EGLN1: variants seen among roughly 807,000 people sequenced by gnomAD.
EGLN1 encodes egl-9 family hypoxia inducible factor 1.
Under a neutral mutation model 38.3 loss-of-function variants are expected in EGLN1, and 17 were observed. That is an observed-to-expected ratio of 0.44 (90% CI 0.30 to 0.67). EGLN1 has a LOEUF of 0.67. Ranked by LOEUF, EGLN1 falls within the 30% of genes least tolerant of loss-of-function variation. The pLI is 0.08. For synonymous variants in EGLN1, 283 were observed against 257.5 expected (o/e 1.10, Z -0.95); for missense variants, 477 against 603.3 (o/e 0.79, Z 2.19).
At chr1:231,403,111 G>A (rs907895014) in intron 1 of EGLN1, among the ~76,000 whole-genome samples, 2 of 152,086 alleles carry the variant, frequency 1.3e-5, no homozygotes, top group Non-Finnish European at 2.9e-5. Flanking sequence ...AATATACTCT[G>A]TATGATTTCA....
intron 1 of EGLN1, among the ~76,000 whole-genome samples, chr1:231,379,501 A>C (rs1297956850): frequency 6.6e-6 from 1 of 152,252 alleles, no homozygotes; most frequent in African/African-American, 2.4e-5. Context: ...AAGATTAATA[A>C]AAACAAGGTA....
intron 1 of EGLN1, among the ~76,000 whole-genome samples, chr1:231,407,994 C>A (rs1688838342): frequency 6.6e-6 from 1 of 152,070 alleles, no homozygotes; most frequent in African/African-American, 2.4e-5. Flanking sequence ...CAGCTGAGGG[C>A]AGTTCACTGA....
chr1:231,368,380 T>C (rs780572829), intron 3 of EGLN1, among the ~76,000 whole-genome samples: 1 of 152,230 alleles, frequency 6.6e-6, no homozygotes, highest in Non-Finnish European at 1.5e-5. Context: ...ATGTTTACAA[T>C]TATAACCTTG....
Position 231,370,701 on chromosome 1 carries a change from AG to A in EGLN1, c.1012-4del. 6.2e-7 allele frequency: 1 copy of A among 1,614,134 alleles called. No individual in the cohort carries two copies. Among genetic ancestry groups the A allele is most frequent in the Non-Finnish European group, 8.5e-7 (1 of 1,180,012 alleles). On this transcript the variant is annotated splice_polypyrimidine_tract_variant and splice_region_variant and intron_variant, in intron 2 of 4. Transcript: ENST00000366641. ...ATTCGAAGTATACCTCCACTTACCTAGGAAAAGAGCCAAATATGTAAGCAGG... is the reference window on the plus strand; with the variant it reads ...ATTCGAAGTATACCTCCACTTACCTAGAAAAGAGCCAAATATGTAAGCAGG...
intron 1 of EGLN1, among the ~76,000 whole-genome samples, chr1:231,403,170 T>C (rs2808604): frequency 0.54 from 82,849 of 152,022 alleles, 24,228 homozygotes; most frequent in Non-Finnish European, 0.65. Flanking sequence ...CTGTTGTACC[T>C]TGGTAAATGT....
At chr1:231,371,064 A>G (rs189837621) in intron 2 of EGLN1, among the ~76,000 whole-genome samples, 1 of 152,060 alleles carries the variant, frequency 6.6e-6, no homozygotes, top group South Asian at 2.1e-4. Context: ...TAATTTTTGC[A>G]TTTTTAGTAG....
chr1:231,413,527 G>A (rs775097644), intron 1 of EGLN1, among the ~76,000 whole-genome samples: 31 of 152,024 alleles, frequency 2.0e-4, no homozygotes, highest in Admixed American at 6.6e-5. Flanking sequence ...GTACTCCCTA[G>A]TCACTCTGTC....
rs1688737080 is a variant in EGLN1 at position 231,404,389 on chromosome 1, C to T, written c.891+16609G>A. Among the ~76,000 whole-genome samples, 5 of 152,154 alleles carry T rather than the reference C, an allele frequency of 3.3e-5. 1 individual carries two copies. In the South Asian group the frequency reaches 1.0e-3, roughly 32 times the overall value. On this transcript the variant is annotated intron_variant, in intron 1 of 4. Coordinates refer to ENST00000366641, the MANE Select transcript of EGLN1 (RefSeq NM_022051.3). ...TTTTATTATTTTGTTTTTACTGCTA[C>T]CTATTAAGTTATAGACTATACAGTA...
Position 231,373,983 on chromosome 1 carries a change from G to A in EGLN1, c.1008C>T (p.Ala336=), listed in dbSNP as rs1029425498. 1.2e-6 allele frequency: 2 copies of A among 1,613,556 alleles called. No individual in the cohort carries two copies. The highest frequency in any genetic ancestry group is 1.3e-5 in the African/African-American group (1 of 74,864). The part of the protein sequence containing the change: ...CIYYLNKDWD[A]KVSGGILRIF... The stretch of plus-strand genomic sequence containing the variant: ...AATGCTCAATTAAGTTGCATACCTT[G>A]GCATCCCAGTCTTTATTAAGATAAT... Residue 336 remains alanine, a synonymous_variant, in exon 2 of 5, where the codon GCC becomes GCT. Transcript: ENST00000366641.
intron 1 of EGLN1, among the ~76,000 whole-genome samples, chr1:231,382,630 T>G (rs1688102373): frequency 6.6e-6 from 1 of 152,230 alleles, no homozygotes; most frequent in African/African-American, 2.4e-5. Flanking sequence ...TATTAGGGAC[T>G]GTACCCTGAG....
intron 3 of EGLN1, 39 bp downstream of exon 3, chr1:231,370,523 C>A: frequency 2.5e-6 from 4 of 1,610,814 alleles, no homozygotes; most frequent in East Asian, 2.2e-5. Flanking sequence ...TCCTGTCCTA[C>A]CATACTCTAA....
At chr1:231,377,041 T>A (rs1687978822) in intron 1 of EGLN1, among the ~76,000 whole-genome samples, 1 of 152,194 alleles carries the variant, frequency 6.6e-6, no homozygotes, top group Non-Finnish European at 1.5e-5. Flanking sequence ...CAACAGAGAA[T>A]GTATCTGACT....
chr1:231,379,181 G>A (rs1470466465), intron 1 of EGLN1, among the ~76,000 whole-genome samples: 8 of 152,170 alleles, frequency 5.3e-5, no homozygotes, highest in Admixed American at 5.2e-4. Flanking sequence ...CTCCAGTAAG[G>A]CATGTATATA....
At chr1:231,383,828 G>T (rs1439610637) in intron 1 of EGLN1, among the ~76,000 whole-genome samples, 2 of 151,914 alleles carry the variant, frequency 1.3e-5, no homozygotes, top group South Asian at 4.2e-4. Context: ...TTGAAATTAT[G>T]ACTTATCAGG....
intron 1 of EGLN1, 30 bp from the exon 2 acceptor site, chr1:231,374,129 G>C: frequency 2.5e-6 from 4 of 1,606,940 alleles, no homozygotes; most frequent in East Asian, 2.2e-5. Flanking sequence ...GATTATTAAA[G>C]TCCATGTATA....
intron 1 of EGLN1, among the ~76,000 whole-genome samples, chr1:231,377,249 G>A (rs1007969910): frequency 6.6e-6 from 1 of 152,166 alleles, no homozygotes; most frequent in African/African-American, 2.4e-5. Flanking sequence ...CCTCTAAACT[G>A]AGGTTTAGAA....
rs183465036 is a variant in EGLN1 at position 231,392,106 on chromosome 1, T to C, written c.892-18007A>G. Reference sequence around the variant, plus strand: ...ATCAAGACCATCCTGGCTAACATGGTGAAACTCCGTCTCTACTAAAAATAC... The same window carrying C: ...ATCAAGACCATCCTGGCTAACATGGCGAAACTCCGTCTCTACTAAAAATAC... On this transcript the variant is annotated intron_variant, in intron 1 of 4. Transcript: ENST00000366641. Among the ~76,000 whole-genome samples, 851 of 152,024 alleles carry C rather than the reference T, an allele frequency of 5.6e-3. 3 individuals are homozygous for C. Among genetic ancestry groups the C allele is most frequent in the Admixed American group, 0.01 (159 of 15,276 alleles).
chr1:231,415,942 G>C (rs1201331293), intron 1 of EGLN1, among the ~76,000 whole-genome samples: 1 of 152,012 alleles, frequency 6.6e-6, no homozygotes. Flanking sequence ...CTGCCTGCCG[G>C]GTTCAAGCGA....
chr1:231,386,446 G>C (rs1259383120), intron 1 of EGLN1, among the ~76,000 whole-genome samples: 1 of 152,230 alleles, frequency 6.6e-6, no homozygotes, highest in East Asian at 1.9e-4. Context: ...TCCAGTCTTA[G>C]AAAATAATGA....
Sources: allele counts gnomAD v4.1 joint callset (sites outside exome capture counted in the v4.1 genomes callset), GRCh38; gene constraint gnomAD v4.1.1; transcripts MANE v1.5; gene names NCBI Gene and HGNC (gene_info 2026-07-23, HGNC 2026-07-21).